Variants in DPP10 observed in about 807,000 individuals in gnomAD.
DPP10 encodes inactive dipeptidyl peptidase 10.
DPP10 carries 33 observed loss-of-function variants against 120.9 expected under a neutral mutation model. The observed-to-expected ratio is 0.27, with a 90% CI of 0.21 to 0.37. DPP10 has a LOEUF of 0.37. Ranked by LOEUF, DPP10 falls within the 10% of genes least tolerant of loss-of-function variation. DPP10 has a pLI of 1.00. For synonymous variants in DPP10, 337 were observed against 326.1 expected, an observed-to-expected ratio of 1.03 and a Z score of -0.36; for missense variants, 816 against 942.8, an observed-to-expected ratio of 0.87 and a Z score of 1.76.
At chr2:115,714,115 A>C (rs2092414298) in intron 7 of DPP10, among the ~76,000 whole-genome samples, 1 of 152,052 alleles carries the variant, frequency 6.6e-6, no homozygotes. Context: ...AACCACACCC[A>C]CCTTCCACCA....
chr2:115,433,896 T>C (rs2071236575), intron 3 of DPP10, among the ~76,000 whole-genome samples: 1 of 151,982 alleles, frequency 6.6e-6, no homozygotes, highest in Admixed American at 6.6e-5. Context: ...CAAATTCAAA[T>C]TTTTGTTTTA....
At chr2:115,188,951 A>T (rs376270211) in intron 1 of DPP10, among the ~76,000 whole-genome samples, 1 of 152,228 alleles carries the variant, frequency 6.6e-6, no homozygotes, top group East Asian at 1.9e-4. Context: ...ATACAAATGC[A>T]ATACTTCACA....
intron 1 of DPP10, among the ~76,000 whole-genome samples, chr2:114,986,261 C>G (rs1700383513): frequency 6.6e-6 from 1 of 152,138 alleles, no homozygotes; most frequent in South Asian, 2.1e-4. Flanking sequence ...CTTCTAAAAG[C>G]ATACAGATGT....
intron 12 of DPP10, among the ~76,000 whole-genome samples, chr2:115,766,310 G>GTGTGTGTATATATA (rs1371625141): frequency 6.1e-5 from 5 of 81,748 alleles, no homozygotes; most frequent in African/African-American, 2.2e-4. Flanking sequence ...GTGTGTGTGT[G>GTGTGTGTATATATA]TATATATATA....
chr2:115,329,077 C>T (rs1481938954), intron 2 of DPP10, among the ~76,000 whole-genome samples: 1 of 151,938 alleles, frequency 6.6e-6, no homozygotes, highest in African/African-American at 2.4e-5. Flanking sequence ...GTTTTATGTA[C>T]TCAGTATGAA....
chr2:114,597,192 T>C (rs1459012932), intron 1 of DPP10, among the ~76,000 whole-genome samples: 4 of 152,002 alleles, frequency 2.6e-5, no homozygotes, highest in African/African-American at 9.7e-5. Context: ...ATGGGCAGTG[T>C]CACCTACTGG....
At chr2:115,813,651 T>TA (rs1686907888) in intron 19 of DPP10, among the ~76,000 whole-genome samples, 2 of 152,248 alleles carry the variant, frequency 1.3e-5, no homozygotes, top group African/African-American at 4.8e-5. Context: ...ATTCTCTACT[T>TA]ACTTCTTTAT....
chr2:115,070,896 T>G (rs957605567), intron 1 of DPP10, among the ~76,000 whole-genome samples: 3 of 152,164 alleles, frequency 2.0e-5, no homozygotes, highest in African/African-American at 7.2e-5. Flanking sequence ...CTTCACCTAA[T>G]AAAAATGTTT....
At chr2:115,341,670 T>A (rs1013115823) in intron 2 of DPP10, among the ~76,000 whole-genome samples, 9 of 152,228 alleles carry the variant, frequency 5.9e-5, no homozygotes, top group African/African-American at 2.2e-4. Flanking sequence ...TTTTGCTTTT[T>A]CAAAATGTCA....
In DPP10 at chr2:115,780,556, A is replaced by G. The variant is rs200254263; in HGVS notation, c.1362-318A>G. On this transcript the variant is annotated intron_variant, in intron 15 of 25. Coordinates refer to ENST00000410059, the MANE Select transcript of DPP10 (RefSeq NM_020868.6). ...AGACTTTACACAGAAATATCTATTA[A>G]AAATGCAAAAAACAGTAAGTTAATT... Among the ~76,000 whole-genome samples the G allele has an allele frequency of 3.6e-4, 55 of 151,988 alleles. No homozygotes were observed. In the East Asian group the frequency reaches 8.9e-3, roughly 25 times the overall value.
chr2:114,726,411 C>G (rs1351152263), intron 1 of DPP10, among the ~76,000 whole-genome samples: 1 of 152,116 alleles, frequency 6.6e-6, no homozygotes, highest in Admixed American at 6.5e-5. Context: ...ATAAAATTCA[C>G]ACTTTTATTC....
At chr2:115,402,842 GAA>G (rs1553584302) in intron 3 of DPP10, among the ~76,000 whole-genome samples, 1,830 of 38,484 alleles carry the variant, frequency 0.048, 51 homozygotes, top group African/African-American at 0.099. Flanking sequence ...ACACTACAAG[GAA>G]AAAAAAAAAA....
chr2:114,599,779 C>T (rs1374553700), intron 1 of DPP10, among the ~76,000 whole-genome samples: 3 of 151,518 alleles, frequency 2.0e-5, no homozygotes, highest in African/African-American at 7.3e-5. Context: ...TTTTGTTTTC[C>T]CAATAAACTT....
intron 13 of DPP10, among the ~76,000 whole-genome samples, chr2:115,769,793 C>T (rs2149817318): frequency 6.6e-6 from 1 of 151,998 alleles, no homozygotes; most frequent in South Asian, 2.1e-4. Flanking sequence ...TAGCAAATTA[C>T]TTTACTTTAT....
intron 1 of DPP10, among the ~76,000 whole-genome samples, chr2:114,460,978 T>C (rs1473808967): frequency 6.6e-6 from 1 of 152,198 alleles, no homozygotes. Context: ...GACTATGATG[T>C]GTTTTATGCG....
At chr2:114,696,099 A>G (rs189232595) in intron 1 of DPP10, among the ~76,000 whole-genome samples, 1 of 151,960 alleles carries the variant, frequency 6.6e-6, no homozygotes, top group African/African-American at 2.4e-5. Flanking sequence ...TTTGTTATTG[A>G]GGTTCTTCAG....
intron 1 of DPP10, among the ~76,000 whole-genome samples, chr2:115,274,953 A>G (rs575573752): frequency 1.3e-5 from 2 of 152,280 alleles, no homozygotes; most frequent in South Asian, 2.1e-4. Context: ...ACAGGGTTCT[A>G]TTCACAGAAT....
chr2:114,984,621 G>A (rs1302458914), intron 1 of DPP10, among the ~76,000 whole-genome samples: 1 of 152,010 alleles, frequency 6.6e-6, no homozygotes, highest in Non-Finnish European at 1.5e-5. Flanking sequence ...GCAAAAACCT[G>A]TCTAAATAAA....
intron 1 of DPP10, among the ~76,000 whole-genome samples, chr2:114,531,512 C>A (rs1158276167): frequency 6.9e-6 from 1 of 145,966 alleles, no homozygotes; most frequent in Admixed American, 7.0e-5. Flanking sequence ...TCTATGTATA[C>A]CATATATATA....
Sources: allele counts gnomAD v4.1 joint callset (sites outside exome capture counted in the v4.1 genomes callset), GRCh38; gene constraint gnomAD v4.1.1; transcripts MANE v1.5; gene names NCBI Gene and HGNC (gene_info 2026-07-23, HGNC 2026-07-21).